Variants in ITK observed in about 807,000 individuals in gnomAD.
The protein encoded by ITK is IL2 inducible T cell kinase.
Under a neutral mutation model 87.6 loss-of-function variants are expected in ITK, and 45 were observed. The observed-to-expected ratio is 0.51, with a 90% CI of 0.40 to 0.66. The LOEUF (loss-of-function observed/expected upper bound fraction) is 0.66, where lower values mean the gene tolerates loss of function less well. ITK is among the 30% of genes least tolerant of loss of function. ITK has a pLI of 0.00. For missense variants in ITK, 605 were observed against 766.3 expected (o/e 0.79, Z 2.48); for synonymous variants, 303 against 273.6 (o/e 1.11, Z -1.06).
At chr5:157,191,613 C>A (rs184923943) in intron 1 of ITK, among the ~76,000 whole-genome samples, 1 of 152,156 alleles carries the variant, frequency 6.6e-6, no homozygotes, top group African/African-American at 2.4e-5. Context: ...ATTTTATATT[C>A]TACTTTTCTA....
At chr5:157,252,200 A>T (rs1755152885) in intron 16 of ITK, among the ~76,000 whole-genome samples, 1 of 152,122 alleles carries the variant, frequency 6.6e-6, no homozygotes, top group Non-Finnish European at 1.5e-5. Context: ...TAGATCATGT[A>T]GATATTTTCT....
chr5:157,233,881 C>T (rs970640034), intron 8 of ITK, among the ~76,000 whole-genome samples: 3 of 126,500 alleles, frequency 2.4e-5, no homozygotes, highest in Non-Finnish European at 3.2e-5. Flanking sequence ...GTGCTAAGTG[C>T]TAAGTACATT....
At chr5:157,248,766 G>A in intron 15 of ITK, 84 bp from the exon 16 acceptor site, 7 of 1,466,144 alleles carry the variant, frequency 4.8e-6, no homozygotes, top group Non-Finnish European at 6.7e-6. Context: ...AATGCAAGGA[G>A]TCTGTAATTT....
In ITK at chr5:157,239,948, C is replaced by T. The variant is rs1320749993; in HGVS notation, c.852-114C>T. 2.9e-6 allele frequency: 3 copies of T among 1,040,744 alleles called. No individual in the cohort carries two copies. The Admixed American group carries it at 6.0e-5, about 21-fold the overall frequency. 64.5% of individuals were successfully genotyped at this position (1,040,744 alleles called of 1,614,324 possible). On this transcript the variant is annotated intron_variant, in intron 9 of 16. Coordinates refer to ENST00000422843, the MANE Select transcript of ITK (RefSeq NM_005546.4). ...AGACTTATAAGTTGAACAATATCTGCCACCTTGTGAGAGGTTATAAGACAA... is the reference window on the plus strand; with the variant it reads ...AGACTTATAAGTTGAACAATATCTGTCACCTTGTGAGAGGTTATAAGACAA...
Position 157,254,168 on chromosome 5 carries a change from GT to G in ITK, c.*1491del. ...GAATAAATACAAAGATGGAAAGCCA[GT>G]AAAGAAGTCAGTATAGAACCACTAG... On this transcript the variant is annotated 3_prime_UTR_variant, in exon 17 of 17. Coordinates refer to ENST00000422843, the MANE Select transcript of ITK (RefSeq NM_005546.4). The G allele has an allele frequency of 4.4e-6, 1 of 229,452 alleles. No homozygotes were observed. The highest frequency in any genetic ancestry group is 8.6e-6 in the Non-Finnish European group (1 of 115,702). 14.2% of individuals were successfully genotyped at this position (229,452 alleles called of 1,614,324 possible). A position where few individuals can be genotyped will look rare whatever the true frequency, so the allele number is the denominator to read the frequency against.
chr5:157,223,612 T>C (rs1754472459), intron 6 of ITK, among the ~76,000 whole-genome samples: 1 of 118,292 alleles, frequency 8.5e-6, no homozygotes, highest in Non-Finnish European at 1.8e-5. Context: ...CACACTGCCT[T>C]TTAAGGTTTT....
chr5:157,180,900 T>G lies in ITK; in HGVS notation c.-78T>G. The G allele has an allele frequency of 6.8e-7, 1 of 1,464,178 alleles. No homozygotes were observed. The highest frequency in any genetic ancestry group is 9.6e-7 in the Non-Finnish European group (1 of 1,046,930). 90.7% of individuals were successfully genotyped at this position (1,464,178 alleles called of 1,614,324 possible). On this transcript the variant is annotated 5_prime_UTR_variant, in exon 1 of 17. Transcript: ENST00000422843. ...GAAGATCAACTGCCTCCACATTGCA[T>G]TCTTTGCCCCAAAACTCTTTCCTTT...
At chr5:157,237,539 A>G (rs1022446635) in intron 8 of ITK, among the ~76,000 whole-genome samples, 1 of 152,242 alleles carries the variant, frequency 6.6e-6, no homozygotes, top group Non-Finnish European at 1.5e-5. Context: ...AAAAATTTTT[A>G]AAAGTTATAT....
intron 1 of ITK, among the ~76,000 whole-genome samples, chr5:157,201,598 A>G (rs1753976034): frequency 6.6e-6 from 1 of 152,032 alleles, no homozygotes; most frequent in Non-Finnish European, 1.5e-5. Context: ...TGCCTGGCCA[A>G]TTTCCACTTT....
In ITK at chr5:157,180,898, C is replaced by G. The variant is rs900615034; in HGVS notation, c.-80C>G. The G allele has an allele frequency of 3.5e-6, 5 of 1,417,274 alleles. No homozygotes were observed. The highest frequency in any genetic ancestry group is 1.8e-4 in the Middle Eastern group (1 of 5,710). The allele number at this position is 1,417,274 out of a possible 1,614,324, so 87.8% of individuals were successfully genotyped here. On this transcript the variant is annotated 5_prime_UTR_variant, in exon 1 of 17. Coordinates refer to ENST00000422843, the MANE Select transcript of ITK (RefSeq NM_005546.4). ...CTGAAGATCAACTGCCTCCACATTG[C>G]ATTCTTTGCCCCAAAACTCTTTCCT...
At position 157,253,006 on chromosome 5, in the gene ITK, G is replaced by A. The variant is rs1414287118; in HGVS notation, c.*328G>A. The A allele has an allele frequency of 2.3e-6, 1 of 432,766 alleles. No individual in the cohort carries two copies. Among genetic ancestry groups the A allele is most frequent in the African/African-American group, 1.9e-5 (1 of 51,282 alleles). 26.8% of individuals were successfully genotyped at this position (432,766 alleles called of 1,614,324 possible). A position where few individuals can be genotyped will look rare whatever the true frequency, so the allele number is the denominator to read the frequency against. ...TTCTTGCACTTCTTAGCAACAGAGA[G>A]AGACATGAGTAAGACCCAGATTGCT... On this transcript the variant is annotated 3_prime_UTR_variant, in exon 17 of 17. Transcript: ENST00000422843.
chr5:157,213,802 G>C, intron 3 of ITK: 1 of 356,090 alleles, frequency 2.8e-6, no homozygotes, highest in South Asian at 2.3e-5. Context: ...TGTGGTTAAA[G>C]GTAGGAGAGG....
At chr5:157,232,741 G>T (rs1754685206) in intron 8 of ITK, among the ~76,000 whole-genome samples, 1 of 152,202 alleles carries the variant, frequency 6.6e-6, no homozygotes. Context: ...AAAATATTCT[G>T]GGAATTTACA....
chr5:157,232,309 T>C, intron 7 of ITK, 31 bp from the exon 8 acceptor site: 1 of 1,484,286 alleles, frequency 6.7e-7, no homozygotes, highest in Non-Finnish European at 9.4e-7. Context: ...TTAAAATATG[T>C]CATTGACATA....
chr5:157,220,148 A>G (rs574242292), intron 5 of ITK, among the ~76,000 whole-genome samples: 75 of 152,282 alleles, frequency 4.9e-4, no homozygotes, highest in South Asian at 1.5e-3. Flanking sequence ...AACAGGTCTC[A>G]TGCTCTATGT....
intron 5 of ITK, among the ~76,000 whole-genome samples, chr5:157,218,409 A>T (rs1754342318): frequency 6.7e-6 from 1 of 148,950 alleles, no homozygotes; most frequent in African/African-American, 2.5e-5. Flanking sequence ...TAGCAAGCTG[A>T]GGTGGGAGGA....
chr5:157,219,918 T>C (rs918902985), intron 5 of ITK, among the ~76,000 whole-genome samples: 1 of 152,244 alleles, frequency 6.6e-6, no homozygotes, highest in Admixed American at 6.5e-5. Context: ...CTTTTCAGCC[T>C]TCTTGGAGGA....
chr5:157,223,173 A>T (rs1754461062), intron 6 of ITK, among the ~76,000 whole-genome samples, 159 bp downstream of exon 6: 1 of 152,144 alleles, frequency 6.6e-6, no homozygotes, highest in Admixed American at 6.6e-5. Flanking sequence ...GAAGTAGTTG[A>T]GGCTCATTTT....
chr5:157,182,757 CG>C (rs1647908937), intron 1 of ITK, among the ~76,000 whole-genome samples: 1 of 152,008 alleles, frequency 6.6e-6, no homozygotes, highest in South Asian at 2.1e-4. Flanking sequence ...TTCACCAGTT[CG>C]TTTTTCTGAT....
Sources: allele counts gnomAD v4.1 joint callset (sites outside exome capture counted in the v4.1 genomes callset), GRCh38; gene constraint gnomAD v4.1.1; transcripts MANE v1.5; gene names NCBI Gene and HGNC (gene_info 2026-07-23, HGNC 2026-07-21).